Variants in ARHGAP44 observed in about 807,000 individuals in gnomAD.
ARHGAP44 encodes rho GTPase-activating protein 44.
ARHGAP44 carries 43 observed loss-of-function variants against 106.8 expected under a neutral mutation model. The ratio of observed to expected loss-of-function variants is 0.40; its 90% CI spans 0.32 to 0.52. ARHGAP44 has a LOEUF of 0.52. ARHGAP44 is among the 20% of genes least tolerant of loss of function. The probability of loss-of-function intolerance (pLI) is 0.48; values close to 1 mark genes in which losing one functional copy is unlikely to be tolerated. For synonymous variants in ARHGAP44, 439 were observed against 410.3 expected (o/e 1.07, Z -0.85); for missense variants, 866 against 1,050.5 (o/e 0.82, Z 2.43).
chr17:12,894,648 T>C (rs1192532789), intron 1 of ARHGAP44, among the ~76,000 whole-genome samples: 1 of 152,210 alleles, frequency 6.6e-6, no homozygotes, highest in African/African-American at 2.4e-5. Context: ...ACCTTAATTC[T>C]GATACTTAAA....
At chr17:12,943,129 A>G (rs148848575) in intron 8 of ARHGAP44, among the ~76,000 whole-genome samples, 34 of 152,300 alleles carry the variant, frequency 2.2e-4, no homozygotes, top group African/African-American at 8.2e-4. Context: ...CTGGTCTTGA[A>G]TTCCTGGGCT....
rs2038930551 is a variant in ARHGAP44, at chr17:12,949,025, T to C, written c.862-115T>C. The C allele has an allele frequency of 9.8e-7, 1 of 1,023,874 alleles. No homozygotes were observed. Among genetic ancestry groups the C allele is most frequent in the Non-Finnish European group, 1.5e-6 (1 of 684,786 alleles). The allele number at this position is 1,023,874 out of a possible 1,614,324, so 63.4% of individuals were successfully genotyped here. A position where few individuals can be genotyped will look rare whatever the true frequency, so the allele number is the denominator to read the frequency against. ...GCAACTGGGGGATTGGGAGATGGTG[T>C]TGGGCAAATGCATGTAAGAGGTTTT... On this transcript the variant is annotated intron_variant, in intron 10 of 20. Coordinates refer to ENST00000379672, the MANE Select transcript of ARHGAP44 (RefSeq NM_014859.6). The surrounding 1 kb of genome is among the most constrained non-coding windows in gnomAD (Gnocchi z 4.1).
Position 12,915,841 on chromosome 17 carries a change from A to G in ARHGAP44, c.276-59A>G, listed in dbSNP as rs536803012. 289 of 1,442,846 alleles carry G rather than the reference A, an allele frequency of 2.0e-4. 3 individuals carry two copies. The African/African-American group carries it at 3.5e-3, about 17-fold the overall frequency. 89.4% of individuals were successfully genotyped at this position (1,442,846 alleles called of 1,614,324 possible). On this transcript the variant is annotated intron_variant, in intron 4 of 20. Coordinates refer to ENST00000379672, the MANE Select transcript of ARHGAP44 (RefSeq NM_014859.6). ...TGAGCCAGGAGGTGAGGGGAGGGTA[A>G]CGCCAGTGAAATGTTGTCTTCAAGA...
intron 9 of ARHGAP44, 87 bp downstream of exon 9, chr17:12,943,756 C>G (rs1181366230): frequency 2.8e-5 from 38 of 1,372,246 alleles, no homozygotes; most frequent in Non-Finnish European, 3.9e-5. Flanking sequence ...TGTCGTTGGC[C>G]CTAACACTCT....
chr17:12,799,209 T>C (rs1197907526), intron 1 of ARHGAP44, among the ~76,000 whole-genome samples: 1 of 152,208 alleles, frequency 6.6e-6, no homozygotes, highest in Non-Finnish European at 1.5e-5. Flanking sequence ...CTGAGTTTAC[T>C]TTGTTCTTTT....
chr17:12,928,278 C>G (rs1364074315), intron 6 of ARHGAP44, among the ~76,000 whole-genome samples: 2 of 152,338 alleles, frequency 1.3e-5, no homozygotes, highest in African/African-American at 2.4e-5. Flanking sequence ...GCATACGTCA[C>G]TGGCTTCAAG....
intron 1 of ARHGAP44, among the ~76,000 whole-genome samples, chr17:12,827,982 A>G (rs1844465579): frequency 6.9e-6 from 1 of 145,504 alleles, no homozygotes; most frequent in African/African-American, 2.5e-5. Context: ...GAGGTTGCAG[A>G]GCTGAGATCG....
chr17:12,940,705 A>G lies in ARHGAP44; in HGVS notation c.583-351A>G, dbSNP rs140329671. Among the ~76,000 whole-genome samples, 657 of 152,336 alleles carry G rather than the reference A, an allele frequency of 4.3e-3. 2 individuals carry two copies. The highest frequency in any genetic ancestry group is 6.9e-3 in the Non-Finnish European group (467 of 68,028). ...AAGAAATGGCATTATCAAAAGAGCA[A>G]TAGCACAATGTGTGCTTGGAGCTTG... On this transcript the variant is annotated intron_variant, in intron 7 of 20. Transcript: ENST00000379672.
chr17:12,989,101 C>CGAAAAAAAAAAAAAAAAAAAAAAAAAA (rs1598173210), intron 20 of ARHGAP44, among the ~76,000 whole-genome samples: 1 of 45,164 alleles, frequency 2.2e-5, no homozygotes, highest in African/African-American at 8.5e-5. Context: ...CCACCCCCCC[C>CGAAAAAAAAAAAAAAAAAAAAAAAAAA]AAAAAAAAAA....
Position 12,789,787 on chromosome 17 carries a change from G to C in ARHGAP44, c.-52G>C. The C allele has an allele frequency of 6.8e-7, 1 of 1,471,170 alleles. No homozygotes were observed. The highest frequency in any genetic ancestry group is 2.7e-5 in the Admixed American group (1 of 37,576). 91.1% of individuals were successfully genotyped at this position (1,471,170 alleles called of 1,614,324 possible). A position where few individuals can be genotyped will look rare whatever the true frequency, so the allele number is the denominator to read the frequency against. ...GCCATGTAACCCTGCGGCGGGCTCC[G>C]GGCTGCTCCGTCCTTCCCCAGCTCC... On this transcript the variant is annotated 5_prime_UTR_variant, in exon 1 of 21. Coordinates refer to ENST00000379672, the MANE Select transcript of ARHGAP44 (RefSeq NM_014859.6).
intron 18 of ARHGAP44, 118 bp from the exon 19 acceptor site, chr17:12,979,940 G>A (rs2039788459): frequency 8.9e-7 from 1 of 1,127,434 alleles, no homozygotes. Flanking sequence ...AGACAGACCA[G>A]AGCTGGGACA....
At chr17:12,902,445 A>T (rs779177727) in intron 3 of ARHGAP44, among the ~76,000 whole-genome samples, 1 of 152,152 alleles carries the variant, frequency 6.6e-6, no homozygotes, top group Admixed American at 6.5e-5. Flanking sequence ...TTTTCTTCAT[A>T]GCACATATTA....
In ARHGAP44 at chr17:12,909,556, A is replaced by G. The variant is rs561214554; in HGVS notation, c.275+583A>G. Among the ~76,000 whole-genome samples the G allele has an allele frequency of 1.8e-4, 28 of 152,360 alleles. No homozygotes were observed. The East Asian group carries it at 3.1e-3, about 17-fold the overall frequency. Reference sequence around the variant, plus strand: ...TCCAAAATTATGCTGAAAATTTTCAATGATCTTTAGTCAAAAGAAACTCAA... The same window carrying G: ...TCCAAAATTATGCTGAAAATTTTCAGTGATCTTTAGTCAAAAGAAACTCAA... On this transcript the variant is annotated intron_variant, in intron 4 of 20. Transcript: ENST00000379672.
intron 1 of ARHGAP44, among the ~76,000 whole-genome samples, chr17:12,856,899 G>C (rs1309945359): frequency 1.3e-5 from 2 of 152,126 alleles, no homozygotes; most frequent in African/African-American, 2.4e-5. Context: ...TGCTCTTTCT[G>C]TGTATCCCTG....
chr17:12,913,937 C>G (rs1170082293), intron 4 of ARHGAP44, among the ~76,000 whole-genome samples: 3 of 138,566 alleles, frequency 2.2e-5, no homozygotes, highest in Non-Finnish European at 4.5e-5. Flanking sequence ...TCACTGCACT[C>G]CAGCCTGGGT....
At chr17:12,881,990 T>C (rs2036752279) in intron 1 of ARHGAP44, among the ~76,000 whole-genome samples, 1 of 152,184 alleles carries the variant, frequency 6.6e-6, no homozygotes, top group Non-Finnish European at 1.5e-5. Context: ...CCTGGGCCAC[T>C]GTGCCAAGCC....
chr17:12,866,629 A>G (rs2036246879), intron 1 of ARHGAP44, among the ~76,000 whole-genome samples: 1 of 152,256 alleles, frequency 6.6e-6, no homozygotes, highest in Admixed American at 6.5e-5. Flanking sequence ...GTATACATGC[A>G]GGAGAGAGAA....
Position 12,980,121 on chromosome 17 carries a change from G to T in ARHGAP44, c.1827G>T (p.Gln609His). 1.9e-6 allele frequency: 3 copies of T among 1,613,994 alleles called. No individual in the cohort carries two copies. The highest frequency in any genetic ancestry group is 2.5e-6 in the Non-Finnish European group (3 of 1,179,868). The change falls in exon 19 of 21, where the codon CAG (glutamine) becomes CAT (histidine). Residue 609 changes from glutamine to histidine, a missense_variant. Physicochemically the swap from Gln to His is conservative, Grantham distance 24 (BLOSUM62 0). Coordinates refer to ENST00000379672, the MANE Select transcript of ARHGAP44 (RefSeq NM_014859.6). The stretch of plus-strand genomic sequence containing the variant: ...AGAAAGGAAGTCCAGGCTCCAGCCA[G>T]GGCACAGCCTGTGCAGGGACTCAAC... Reference protein sequence around the residue: ...SAQKGSPGSSQGTACAGTQPG... With the variant: ...SAQKGSPGSSHGTACAGTQPG...
At chr17:12,926,620 TACTG>T (rs942205156) in intron 6 of ARHGAP44, among the ~76,000 whole-genome samples, 27 of 150,142 alleles carry the variant, frequency 1.8e-4, no homozygotes, top group African/African-American at 3.9e-4. Flanking sequence ...AGCATCAAGA[TACTG>T]ACTACAGGAT....
Sources: allele counts gnomAD v4.1 joint callset (sites outside exome capture counted in the v4.1 genomes callset), GRCh38; gene constraint gnomAD v4.1.1; non-coding constraint Gnocchi (gnomAD v3.1); transcripts MANE v1.5; gene names NCBI Gene and HGNC (gene_info 2026-07-23, HGNC 2026-07-21).